NEK5: variants seen among roughly 807,000 people sequenced by gnomAD.
NEK5 encodes NIMA related kinase 5.
In NEK5, 88 loss-of-function variants were observed where a neutral mutation model predicts 109.2. The ratio of observed to expected loss-of-function variants is 0.81; its 90% CI spans 0.68 to 0.96. The LOEUF (loss-of-function observed/expected upper bound fraction) is 0.96. NEK5 is among the 40% of genes least tolerant of loss of function. NEK5 has a pLI of 0.00. For missense variants in NEK5, 834 were observed against 920.7 expected (o/e 0.91, Z 1.22); for synonymous variants, 283 against 299.9 (o/e 0.94, Z 0.58).
Position 52,127,596 on chromosome 13 carries a change from T to C in NEK5, c.-24A>G, listed in dbSNP as rs1956090369. On this transcript the variant is annotated splice_region_variant and 5_prime_UTR_variant, in exon 2 of 24. Coordinates refer to ENST00000684899, the MANE Select transcript of NEK5 (RefSeq NM_001365552.1). ...TGACTAAAGTGTAAAAGAACTCACT[T>C]AGCTAAAACTTTCCTCCCAGCCTTG... 3.0e-6 allele frequency: 2 copies of C among 672,432 alleles called. No homozygotes were observed. Among genetic ancestry groups the C allele is most frequent in the Non-Finnish European group, 2.7e-6 (1 of 376,972 alleles). The allele number at this position is 672,432 out of a possible 1,614,324, so 41.7% of individuals were successfully genotyped here.
intron 12 of NEK5, among the ~76,000 whole-genome samples, chr13:52,097,590 G>A (rs1338202120): frequency 6.6e-6 from 1 of 152,212 alleles, no homozygotes; most frequent in Non-Finnish European, 1.5e-5. Context: ...TTTGAAATGG[G>A]TGTATTTACC....
intron 17 of NEK5, among the ~76,000 whole-genome samples, chr13:52,079,704 C>T (rs1954940899): frequency 6.6e-6 from 1 of 152,262 alleles, no homozygotes; most frequent in Non-Finnish European, 1.5e-5. Context: ...GAGATTGCAG[C>T]CTCTGCCCGG....
Position 52,093,135 on chromosome 13 carries a change from C to T in NEK5, c.1127G>A (p.Ser376Asn). Residue 376 changes from serine (S) to asparagine (N), a missense_variant, in exon 13 of 24, where the codon AGT becomes AAT. Physicochemically the swap from Ser to Asn is conservative, Grantham distance 46. Coordinates refer to ENST00000684899, the MANE Select transcript of NEK5 (RefSeq NM_001365552.1). ...DMLRRRAHKP[S>N]YHPIPQENTG... The stretch of plus-strand genomic sequence containing the variant: ...ATTTTCTTGAGGAATAGGGTGATAA[C>T]TTGGTTTGTGGGCTCTCCTCCTCAG... 1 of 1,613,684 alleles carries T rather than the reference C, an allele frequency of 6.2e-7. No homozygotes were observed. Among genetic ancestry groups the T allele is most frequent in the South Asian group, 1.1e-5 (1 of 91,062 alleles).
intron 22 of NEK5, among the ~76,000 whole-genome samples, chr13:52,050,563 C>A (rs1192425517): frequency 1.3e-5 from 2 of 149,196 alleles, no homozygotes; most frequent in African/African-American, 4.9e-5. Context: ...GGTTAGACTT[C>A]ATCATGAATG....
chr13:52,111,027 T>C (rs1411461120), intron 5 of NEK5, among the ~76,000 whole-genome samples: 1 of 151,896 alleles, frequency 6.6e-6, no homozygotes, highest in Admixed American at 6.6e-5. Flanking sequence ...GAGGAAGAAA[T>C]GGGGGATCTG....
intron 5 of NEK5, among the ~76,000 whole-genome samples, chr13:52,110,870 C>T (rs1268301708): frequency 1.3e-5 from 2 of 151,748 alleles, no homozygotes; most frequent in South Asian, 2.1e-4. Flanking sequence ...AGAGGCATGC[C>T]GTTCATGTTT....
chr13:52,115,624 A>G (rs1014020041), intron 4 of NEK5, among the ~76,000 whole-genome samples: 2 of 150,532 alleles, frequency 1.3e-5, no homozygotes, highest in African/African-American at 2.4e-5. Flanking sequence ...AAAAAAAAAA[A>G]AAAGAAACTA....
chr13:52,055,433 C>T (rs1235683839), intron 22 of NEK5, among the ~76,000 whole-genome samples: 1 of 152,116 alleles, frequency 6.6e-6, no homozygotes, highest in Non-Finnish European at 1.5e-5. Context: ...CATTCAGGTT[C>T]AGGAAATACA....
intron 3 of NEK5, among the ~76,000 whole-genome samples, chr13:52,120,165 T>C (rs1955941334): frequency 6.6e-6 from 1 of 152,142 alleles, no homozygotes; most frequent in Non-Finnish European, 1.5e-5. Context: ...CTTAAGAACT[T>C]CTTAAAAATT....
chr13:52,086,279 C>T lies in NEK5; in HGVS notation c.1477G>A (p.Glu493Lys). ...EIRKKMGREP[E>K]ENSKISHKTY... ...TTCCCCTAGAAGAATGAATTTACCT[C>T]TGGTTCTCTCCCCATCTTCTTTCTA... The change falls in exon 16 of 24, where the codon GAG (glutamate) becomes AAG (lysine). Residue 493 changes from glutamate (E) to lysine (K), a missense_variant and splice_region_variant. Coordinates refer to ENST00000684899, the MANE Select transcript of NEK5 (RefSeq NM_001365552.1). 1 of 1,587,578 alleles carries T rather than the reference C, an allele frequency of 6.3e-7. No homozygotes were observed. Among genetic ancestry groups the T allele is most frequent in the Non-Finnish European group, 8.7e-7 (1 of 1,155,714 alleles).
At chr13:52,125,412 A>C (rs1301015308) in intron 3 of NEK5, among the ~76,000 whole-genome samples, 3 of 152,142 alleles carry the variant, frequency 2.0e-5, no homozygotes, top group African/African-American at 7.2e-5. Context: ...AAATACAAAA[A>C]ATTAGCCAGG....
intron 3 of NEK5, among the ~76,000 whole-genome samples, chr13:52,120,686 A>AGAT (rs1221106888): frequency 1.3e-5 from 2 of 152,148 alleles, no homozygotes; most frequent in African/African-American, 4.8e-5. Flanking sequence ...CAAGGCAGGC[A>AGAT]GATCACTTGA....
intron 23 of NEK5, among the ~76,000 whole-genome samples, chr13:52,044,140 T>C (rs1305136459): frequency 6.6e-6 from 1 of 152,234 alleles, no homozygotes; most frequent in Non-Finnish European, 1.5e-5. Context: ...CTTTCTCCTA[T>C]GCTGGATGCT....
rs747513477 is a variant in NEK5, at chr13:52,102,021, C to A, written c.811-7G>T. 6.2e-7 allele frequency: 1 copy of A among 1,613,934 alleles called. No homozygotes were observed. Among genetic ancestry groups the A allele is most frequent in the East Asian group, 2.2e-5 (1 of 44,876 alleles). On this transcript the variant is annotated splice_region_variant and splice_polypyrimidine_tract_variant and intron_variant, in intron 10 of 23. Coordinates refer to ENST00000684899, the MANE Select transcript of NEK5 (RefSeq NM_001365552.1). ...TGAATTCTTCCTGAATGACCTAAAA[C>A]CGAACACACGTGTCAAGGACCTGCA...
chr13:52,079,494 G>A (rs1028104512), intron 17 of NEK5, among the ~76,000 whole-genome samples: 1 of 148,420 alleles, frequency 6.7e-6, no homozygotes, highest in African/African-American at 2.5e-5. Context: ...TGGAGACGGG[G>A]TTTCGCTGTG....
chr13:52,036,789 G>C lies in NEK5; in HGVS notation c.*159C>G, dbSNP rs1954364721. The C allele has an allele frequency of 5.0e-6, 1 of 201,042 alleles. No individual in the cohort carries two copies. The highest frequency in any genetic ancestry group is 6.5e-5 in the Admixed American group (1 of 15,320). The allele number at this position is 201,042 out of a possible 1,614,324, so 12.5% of individuals were successfully genotyped here. On this transcript the variant is annotated 3_prime_UTR_variant, in exon 24 of 24. Coordinates refer to ENST00000684899, the MANE Select transcript of NEK5 (RefSeq NM_001365552.1). ...AAACTTTAAAGTAAAAATATTAATGGCTATATTCAAAAGTTCTACTTCCTA... is the reference window on the plus strand; with the variant it reads ...AAACTTTAAAGTAAAAATATTAATGCCTATATTCAAAAGTTCTACTTCCTA...
intron 3 of NEK5, among the ~76,000 whole-genome samples, chr13:52,119,651 C>T (rs915572626): frequency 1.3e-5 from 2 of 152,094 alleles, no homozygotes; most frequent in Admixed American, 1.3e-4. Flanking sequence ...TGAAGTTTTG[C>T]TATATTAAAA....
intron 22 of NEK5, among the ~76,000 whole-genome samples, chr13:52,058,690 C>G (rs922033962): frequency 6.6e-6 from 1 of 151,888 alleles, no homozygotes; most frequent in Non-Finnish European, 1.5e-5. Context: ...CTGACAAAAA[C>G]AAGCAATGGG....
At chr13:52,058,594 C>A (rs981618591) in intron 22 of NEK5, among the ~76,000 whole-genome samples, 1 of 152,058 alleles carries the variant, frequency 6.6e-6, no homozygotes, top group Admixed American at 6.6e-5. Context: ...GGTACTGCTA[C>A]CAAAACAGAG....
Sources: allele counts gnomAD v4.1 joint callset (sites outside exome capture counted in the v4.1 genomes callset), GRCh38; gene constraint gnomAD v4.1.1; transcripts MANE v1.5; gene names NCBI Gene and HGNC (gene_info 2026-07-23, HGNC 2026-07-21).